Variants in DYSF observed in about 807,000 individuals in gnomAD.
The protein encoded by DYSF is dysferlin.
Under a neutral mutation model 274.9 loss-of-function variants are expected in DYSF, and 212 were observed. The observed-to-expected ratio is 0.77, with a 90% CI of 0.69 to 0.86. The LOEUF is 0.86. Among genes scored for constraint, DYSF ranks in the 40% least tolerant of loss-of-function variants. The pLI is 0.00. For missense variants in DYSF, 2,666 were observed against 2,783.2 expected, an observed-to-expected ratio of 0.96 and a Z score of 0.95; for synonymous variants, 1,091 against 1,078.7, an observed-to-expected ratio of 1.01 and a Z score of -0.22.
rs537376949 is a variant in DYSF, at chr2:71,454,881, C to T, written c.88+795C>T. On this transcript the variant is annotated intron_variant, in intron 1 of 54. Transcript: ENST00000258104. ...CTGCTCTCCAGGAACCCTTCAGGAC[C>T]AAGCCAGAGCTAGGATCTACACAGC... 3.5e-4 allele frequency among the ~76,000 whole-genome samples: 48 copies of T among 136,066 alleles called. 1 individual carries two copies. Among genetic ancestry groups the T allele is most frequent in the Admixed American group, 3.2e-3 (45 of 13,962 alleles). 89.3% of individuals were successfully genotyped at this position (136,066 alleles called of 152,430 possible).
intron 32 of DYSF, among the ~76,000 whole-genome samples, chr2:71,597,138 C>T (rs1008424083): frequency 4.6e-5 from 7 of 152,328 alleles, no homozygotes; most frequent in Admixed American, 4.6e-4. Flanking sequence ...CCATCCCAGC[C>T]CCTGGGTTGT....
intron 1 of DYSF, among the ~76,000 whole-genome samples, chr2:71,472,014 GT>G (rs143164099): frequency 0.012 from 1,820 of 152,236 alleles, 12 homozygotes; most frequent in Non-Finnish European, 0.02. Context: ...CATTTTTTAT[GT>G]CAGTAAGTAT....
intron 47 of DYSF, among the ~76,000 whole-genome samples, chr2:71,666,198 G>A (rs2152952813): frequency 6.6e-6 from 1 of 152,244 alleles, no homozygotes. Context: ...CTACTAGTCT[G>A]TGAGCAACTT....
At chr2:71,501,235 A>T (rs1307031120) in intron 3 of DYSF, among the ~76,000 whole-genome samples, 2 of 152,122 alleles carry the variant, frequency 1.3e-5, no homozygotes, top group Admixed American at 1.3e-4. Context: ...CTCCCCCTCT[A>T]TCCCCTTCTT....
At chr2:71,475,314 G>A (rs1198752414) in intron 1 of DYSF, among the ~76,000 whole-genome samples, 1 of 145,028 alleles carries the variant, frequency 6.9e-6, no homozygotes, top group Non-Finnish European at 1.5e-5. Flanking sequence ...GGAAAGAAAA[G>A]GACCCATTCA....
At chr2:71,592,149 G>T (rs984188740) in intron 32 of DYSF, among the ~76,000 whole-genome samples, 1 of 151,234 alleles carries the variant, frequency 6.6e-6, no homozygotes, top group Admixed American at 6.6e-5. Context: ...GGATGGCCAG[G>T]GGGGGCCCAG....
At chr2:71,646,767 C>A (rs765349559) in intron 42 of DYSF, among the ~76,000 whole-genome samples, 75 of 152,022 alleles carry the variant, frequency 4.9e-4, no homozygotes, top group Non-Finnish European at 1.0e-3. Flanking sequence ...ACTAAACTTC[C>A]CCATTAAGTG....
intron 17 of DYSF, among the ~76,000 whole-genome samples, chr2:71,545,824 G>A (rs908999100): frequency 2.0e-5 from 3 of 152,040 alleles, no homozygotes; most frequent in African/African-American, 7.3e-5. Flanking sequence ...CTCTGTGTCC[G>A]CATGAGTGTG....
At position 71,667,430 on chromosome 2, in the gene DYSF, T is replaced by C; in HGVS notation, c.5372T>C (p.Leu1791Pro). 6.2e-7 allele frequency: 1 copy of C among 1,614,126 alleles called. No individual in the cohort carries two copies. The highest frequency in any genetic ancestry group is 1.1e-5 in the South Asian group (1 of 91,082). Residue 1791 changes from leucine (L) to proline (P), a missense_variant, in exon 48 of 56, where the codon CTG becomes CCG. Leu to Pro is a moderately conservative substitution (Grantham distance 98, BLOSUM62 -3). Transcript: ENST00000410020. The stretch of plus-strand genomic sequence containing the variant: ...GGCCCAGTGGAGGAGCGTCTGGCTC[T>C]GCATGTGCTTCAGCAGCAGGGCCTG... Reference protein sequence around the residue: ...HLGPVEERLALHVLQQQGLVP... With the variant: ...HLGPVEERLAPHVLQQQGLVP...
chr2:71,530,524 G>C (rs2088564436), intron 14 of DYSF, among the ~76,000 whole-genome samples: 1 of 152,158 alleles, frequency 6.6e-6, no homozygotes, highest in African/African-American at 2.4e-5. Context: ...AAAGGACAAA[G>C]GCAGCCAAGG....
intron 41 of DYSF, among the ~76,000 whole-genome samples, chr2:71,627,730 A>G (rs2094233123): frequency 6.6e-6 from 1 of 152,080 alleles, no homozygotes; most frequent in Non-Finnish European, 1.5e-5. Context: ...CTACTTTTAT[A>G]TATTTGATGC....
chr2:71,534,961 C>T lies in DYSF; in HGVS notation c.1381-60C>T, dbSNP rs548189113. On this transcript the variant is annotated intron_variant, in intron 14 of 55. Transcript: ENST00000410020. ...ATGGTCACTGGCTGGCATGTGGCCC[C>T]GGGGGAGCCCAGAGTCCCCATGGAG... 53 of 1,583,334 alleles carry T rather than the reference C, an allele frequency of 3.3e-5. No homozygotes were observed. In the Middle Eastern group the frequency reaches 5.0e-4, roughly 15 times the overall value.
In DYSF at chr2:71,602,816, C is replaced by T. The variant is rs376091128; in HGVS notation, c.3957+11C>T. 78 of 1,612,584 alleles carry T rather than the reference C, an allele frequency of 4.8e-5. No individual in the cohort carries two copies. Among genetic ancestry groups the T allele is most frequent in the Non-Finnish European group, 6.2e-5 (73 of 1,179,766 alleles). On this transcript the variant is annotated intron_variant, in intron 36 of 55. Coordinates refer to ENST00000410020, the MANE Select transcript of DYSF (RefSeq NM_001130987.2). ...AGGATCCTGGATGAGGTGAGCTGGG[C>T]GTGGTGGTTGGGATGGGTGGGCCGA...
At chr2:71,473,851 A>G (rs1310986687) in intron 1 of DYSF, among the ~76,000 whole-genome samples, 2 of 149,788 alleles carry the variant, frequency 1.3e-5, no homozygotes, top group Non-Finnish European at 1.5e-5. Context: ...CTCTATACCC[A>G]TTGAACACTA....
At position 71,669,689 on chromosome 2, in the gene DYSF, G is replaced by A. The variant is rs1336670524; in HGVS notation, c.5727G>A (p.Arg1909=). ...GAGGTGAAGGCAACTTCAACTGGAG[G>A]TTCATTTTCCCCTTCGACTACCTGC... The part of the protein sequence containing the change: ...SLGGEGNFNW[R]FIFPFDYLPA... Residue 1909 remains arginine (R), a synonymous_variant, in exon 51 of 56, where the codon AGG becomes AGA. Transcript: ENST00000410020. 3 of 1,614,172 alleles carry A rather than the reference G, an allele frequency of 1.9e-6. No homozygotes were observed. Among genetic ancestry groups the A allele is most frequent in the Non-Finnish European group, 1.7e-6 (2 of 1,180,028 alleles).
At chr2:71,492,102 T>C (rs79606529) in intron 3 of DYSF, among the ~76,000 whole-genome samples, 2,886 of 152,296 alleles carry the variant, frequency 0.019, 39 homozygotes, top group Non-Finnish European at 0.032. Context: ...TTTATGACTA[T>C]ATTTTGCCCT....
intron 13 of DYSF, among the ~76,000 whole-genome samples, chr2:71,526,680 TTCCC>T (rs912128063): frequency 9.2e-5 from 14 of 152,364 alleles, no homozygotes; most frequent in Admixed American, 2.6e-4. Context: ...CTCACTGATT[TTCCC>T]TCCCTCTGTG....
intron 53 of DYSF, 52 bp from the exon 54 acceptor site, chr2:71,680,949 G>A: frequency 2.0e-6 from 3 of 1,526,774 alleles, no homozygotes; most frequent in South Asian, 2.3e-5. Flanking sequence ...TACTCTCCAG[G>A]CCACTGAGCA....
Position 71,667,125 on chromosome 2 carries a change from G to A in DYSF, c.5318-251G>A, listed in dbSNP as rs372104977. Among the ~76,000 whole-genome samples the A allele has an allele frequency of 3.3e-5, 5 of 152,292 alleles. No homozygotes were observed. The East Asian group carries it at 5.8e-4, about 18-fold the overall frequency. On this transcript the variant is annotated intron_variant, in intron 47 of 55. Transcript: ENST00000410020. The stretch of plus-strand genomic sequence containing the variant: ...GTGGAAAATAGGAATAAAAACTATA[G>A]AACAGGCTTGGTAGAAATGATGGCA...
Sources: gnomAD v4.1 joint callset for allele counts (sites outside exome capture counted in the v4.1 genomes callset) on GRCh38, gnomAD v4.1.1 for gene constraint, MANE v1.5 for transcripts, NCBI Gene and HGNC (gene_info 2026-07-23, HGNC 2026-07-21) for gene names.